The following CACHD1 variants were observed in gnomAD, a reference collection of about 807,000 sequenced individuals.
CACHD1 encodes the protein cache domain containing 1, also known as VWFA and cache domain-containing protein 1.
In CACHD1, 71 loss-of-function variants were observed where a neutral mutation model predicts 138.7. The observed-to-expected ratio is 0.51, with a 90% CI of 0.42 to 0.62. The LOEUF (loss-of-function observed/expected upper bound fraction) is 0.62. CACHD1 is among the 20% of genes least tolerant of loss of function. The pLI is 0.00. For synonymous variants in CACHD1, 578 were observed against 591.5 expected (o/e 0.98, Z 0.33); for missense variants, 1,389 against 1,625.3 (o/e 0.85, Z 2.50).
chr1:64,552,684 G>T (rs530575290), intron 2 of CACHD1, among the ~76,000 whole-genome samples: 55 of 152,078 alleles, frequency 3.6e-4, no homozygotes, highest in Non-Finnish European at 6.0e-4. Flanking sequence ...TTGCCATGTT[G>T]CCCAGGCTGG....
At chr1:64,588,735 A>G (rs1393613259) in intron 3 of CACHD1, among the ~76,000 whole-genome samples, 1 of 151,834 alleles carries the variant, frequency 6.6e-6, no homozygotes, top group Non-Finnish European at 1.5e-5. Flanking sequence ...TCTTTCCCCA[A>G]TTTCTTCTAT....
chr1:64,681,851 A>G (rs921051125), intron 25 of CACHD1, among the ~76,000 whole-genome samples, 154 bp from the exon 26 acceptor site: 1 of 152,024 alleles, frequency 6.6e-6, no homozygotes, highest in Admixed American at 6.6e-5. Context: ...TAAAATCAGC[A>G]CCCCAATCCC....
At chr1:64,542,129 TTA>T (rs1406217701) in intron 1 of CACHD1, among the ~76,000 whole-genome samples, 1 of 152,222 alleles carries the variant, frequency 6.6e-6, no homozygotes, top group Non-Finnish European at 1.5e-5. Context: ...ATCTTCTCGT[TTA>T]TGAGATAAAT....
At chr1:64,654,565 G>A (rs1372049183) in intron 11 of CACHD1, 121 bp from the exon 12 acceptor site, 1 of 693,826 alleles carries the variant, frequency 1.4e-6, no homozygotes, top group East Asian at 2.5e-5. Context: ...CAAAACTGAT[G>A]AGCTTCTTTG....
At chr1:64,630,093 A>G (rs1648249423) in intron 5 of CACHD1, among the ~76,000 whole-genome samples, 1 of 152,116 alleles carries the variant, frequency 6.6e-6, no homozygotes, top group African/African-American at 2.4e-5. Flanking sequence ...CCCGAAGCAA[A>G]TATACTTTCC....
intron 1 of CACHD1, among the ~76,000 whole-genome samples, chr1:64,499,805 A>C (rs1328010115): frequency 6.6e-6 from 1 of 152,238 alleles, no homozygotes; most frequent in Non-Finnish European, 1.5e-5. Flanking sequence ...AATAATAAAG[A>C]AGCACATATT....
At chr1:64,654,098 T>C (rs1017002114) in intron 11 of CACHD1, among the ~76,000 whole-genome samples, 1 of 152,224 alleles carries the variant, frequency 6.6e-6, no homozygotes, top group Non-Finnish European at 1.5e-5. Flanking sequence ...TTGACGATAA[T>C]GTCTTGTAAA....
chr1:64,664,285 G>A, intron 14 of CACHD1: 2 of 578,894 alleles, frequency 3.5e-6, no homozygotes, highest in South Asian at 2.3e-5. Context: ...CCTAGGTAGG[G>A]TGAACAATTG....
rs776801018 is a variant in CACHD1 at position 64,653,858 on chromosome 1, A to G, written c.1641A>G (p.Glu547=). ...ATTATGAAAATATTCCAAAATTTGA[A>G]TTAGTTCGGCAAAATATCCTAAGGT... The part of the protein sequence containing the change: ...IIHYENIPKF[E]LVRQNILSLP... Residue 547 remains glutamate, a synonymous_variant, in exon 11 of 27, where the codon GAA becomes GAG. Coordinates refer to ENST00000651257, the MANE Select transcript of CACHD1 (RefSeq NM_020925.4). 3.7e-6 allele frequency: 6 copies of G among 1,613,296 alleles called. No individual in the cohort carries two copies. In the African/African-American group the frequency reaches 8.0e-5, roughly 22 times the overall value.
intron 1 of CACHD1, among the ~76,000 whole-genome samples, chr1:64,472,640 T>C (rs924302133): frequency 2.0e-5 from 3 of 152,100 alleles, no homozygotes; most frequent in African/African-American, 7.2e-5. Flanking sequence ...TTCTTAGGAG[T>C]GAAGTGACTT....
At chr1:64,532,395 G>A (rs1557479299) in intron 1 of CACHD1, among the ~76,000 whole-genome samples, 1 of 152,218 alleles carries the variant, frequency 6.6e-6, no homozygotes, top group Admixed American at 6.5e-5. Flanking sequence ...GCAGACACGA[G>A]TAGAGCATCA....
chr1:64,533,955 G>C (rs1557480102), intron 1 of CACHD1, among the ~76,000 whole-genome samples: 2 of 151,420 alleles, frequency 1.3e-5, no homozygotes, highest in African/African-American at 4.9e-5. Context: ...GGGTTTCACA[G>C]TGTTAGCCAG....
At chr1:64,628,889 A>C (rs1336664393) in intron 4 of CACHD1, among the ~76,000 whole-genome samples, 3 of 152,266 alleles carry the variant, frequency 2.0e-5, no homozygotes, top group Admixed American at 6.5e-5. Flanking sequence ...TTTAAGTACC[A>C]TGTATGCTGT....
intron 16 of CACHD1, among the ~76,000 whole-genome samples, chr1:64,669,736 A>G (rs949989252): frequency 6.6e-6 from 1 of 152,074 alleles, no homozygotes; most frequent in African/African-American, 2.4e-5. Flanking sequence ...CTATGGTAAC[A>G]GTGTACCCAT....
intron 1 of CACHD1, among the ~76,000 whole-genome samples, chr1:64,526,741 G>A (rs1431745675): frequency 3.3e-5 from 5 of 152,178 alleles, no homozygotes. Context: ...TAGGCGTCTG[G>A]CGCCCTGCCG....
chr1:64,640,446 C>T (rs1437231961), intron 7 of CACHD1, among the ~76,000 whole-genome samples: 6 of 152,048 alleles, frequency 3.9e-5, no homozygotes, highest in East Asian at 1.9e-4. Flanking sequence ...GAGGCCAAGG[C>T]GGGCAGATCA....
At chr1:64,511,370 C>T (rs1467898693) in intron 1 of CACHD1, among the ~76,000 whole-genome samples, 1 of 152,070 alleles carries the variant, frequency 6.6e-6, no homozygotes, top group Non-Finnish European at 1.5e-5. Flanking sequence ...CTGGTTCTTT[C>T]CATTATAGCA....
rs116590479 is a variant in CACHD1 at position 64,634,374 on chromosome 1, G to T, written c.1006+114G>T. On this transcript the variant is annotated intron_variant, in intron 7 of 26. Transcript: ENST00000651257. ...AGAGAGATTTTATTTATTTATTTAT[G>T]TATGTATTTATTTATTTATTTATTT... 917 of 259,826 alleles carry T rather than the reference G, an allele frequency of 3.5e-3. 7 individuals carry two copies. The highest frequency in any genetic ancestry group is 0.015 in the East Asian group (176 of 11,676). The allele number at this position is 259,826 out of a possible 1,614,324, so 16.1% of individuals were successfully genotyped here.
chr1:64,514,110 C>G (rs1557470134), intron 1 of CACHD1, among the ~76,000 whole-genome samples: 2 of 152,194 alleles, frequency 1.3e-5, no homozygotes, highest in Non-Finnish European at 2.9e-5. Flanking sequence ...GTTTTACTTT[C>G]TCTGTTTGAA....
Sources: gnomAD v4.1 joint callset for allele counts (sites outside exome capture counted in the v4.1 genomes callset) on GRCh38, gnomAD v4.1.1 for gene constraint, MANE v1.5 for transcripts, NCBI Gene and HGNC (gene_info 2026-07-23, HGNC 2026-07-21) for gene names.